Variants in FGD2 observed in about 807,000 individuals in gnomAD.
FGD2 encodes the protein FYVE, RhoGEF and PH domain-containing protein 2.
In FGD2, 52 loss-of-function variants were observed where a neutral mutation model predicts 75.9. The ratio of observed to expected loss-of-function variants is 0.69; its 90% confidence interval spans 0.55 to 0.86. The LOEUF (loss-of-function observed/expected upper bound fraction) is 0.86. Ranked by LOEUF, FGD2 falls within the 40% of genes least tolerant of loss-of-function variation. The pLI, the probability that FGD2 is intolerant of heterozygous loss-of-function variation, is 0.00. For missense variants in FGD2, 790 were observed against 872.0 expected (o/e 0.91, Z 1.18); for synonymous variants, 347 against 348.6 (o/e 1.00, Z 0.05).
chr6:37,005,834 A>G lies in FGD2; in HGVS notation c.17A>G (p.Glu6Gly), dbSNP rs1764723008. 1 of 1,613,868 alleles carries G rather than the reference A, an allele frequency of 6.2e-7. No individual in the cohort carries two copies. Among genetic ancestry groups the G allele is most frequent in the South Asian group, 1.1e-5 (1 of 90,922 alleles). MKGAS[E>G]EKLASVSNLV... is the part of the protein sequence containing the mutation. ...ACCGGCAGGATGAAGGGGGCAAGTG[A>G]GGAGAAGCTGGCATCTGTGTCCAAC... Residue 6 changes from glutamate to glycine, a missense_variant, in exon 1 of 16, where the codon GAG becomes GGG. Physicochemically the swap from Glu to Gly is moderately conservative, Grantham distance 98. Transcript: ENST00000274963.
chr6:37,027,860 T>C, intron 15 of FGD2, 88 bp from the exon 16 acceptor site: 1 of 1,425,956 alleles, frequency 7.0e-7, no homozygotes, highest in Non-Finnish European at 9.7e-7. Context: ...GTGTGAGCTG[T>C]GCGTGCGTGG....
intron 3 of FGD2, 90 bp downstream of exon 3, chr6:37,011,140 C>T: frequency 2.3e-6 from 3 of 1,279,536 alleles, no homozygotes; most frequent in Middle Eastern, 2.1e-4. Context: ...CTCACCAGAG[C>T]TGAGTCAGGA....
At chr6:37,017,639 G>C (rs1583310083) in intron 9 of FGD2, among the ~76,000 whole-genome samples, 1 of 152,112 alleles carries the variant, frequency 6.6e-6, no homozygotes, top group African/African-American at 2.4e-5. Flanking sequence ...CTGAGGGCTG[G>C]GACTGGAAGA....
At chr6:37,023,744 G>C (rs751924812) in intron 13 of FGD2, 2 of 152,210 alleles carry the variant, frequency 1.3e-5, no homozygotes, top group African/African-American at 2.4e-5. Flanking sequence ...CCCGAAGCCA[G>C]GTAGAAAGGA....
intron 9 of FGD2, among the ~76,000 whole-genome samples, chr6:37,018,697 C>A (rs1264279946): frequency 2.0e-5 from 3 of 152,220 alleles, no homozygotes; most frequent in East Asian, 1.9e-4. Flanking sequence ...ATGTCTTCTG[C>A]AGCCAACTGC....
At chr6:37,017,982 T>C (rs963684238) in intron 9 of FGD2, among the ~76,000 whole-genome samples, 1 of 152,134 alleles carries the variant, frequency 6.6e-6, no homozygotes, top group Non-Finnish European at 1.5e-5. Flanking sequence ...TAGCTTTCCA[T>C]CCTGAAGGGG....
In FGD2 at chr6:37,025,924, C is replaced by T. The variant is rs759496445; in HGVS notation, c.1591C>T (p.Arg531Trp). The T allele has an allele frequency of 6.8e-6, 11 of 1,613,974 alleles. No individual in the cohort carries two copies. The highest frequency in any genetic ancestry group is 1.3e-5 in the African/African-American group (1 of 74,934). The change falls in exon 14 of 16, where the codon CGG becomes TGG. Residue 531 changes from arginine to tryptophan, a missense_variant. Transcript: ENST00000274963. The part of the protein sequence containing the change: ...VLPEAKEDKR[R>W]GILEKGSSAT... The stretch of plus-strand genomic sequence containing the variant: ...GCCTGAGGCCAAGGAGGACAAGAGG[C>T]GGGGCATCCTGGAGGTGAGGGCCAC...
chr6:37,014,739 C>A, intron 7 of FGD2, 35 bp downstream of exon 7: 1 of 1,613,478 alleles, frequency 6.2e-7, no homozygotes, highest in African/African-American at 1.3e-5. Flanking sequence ...GCCCTGTCCC[C>A]CTCCCTGCAG....
At chr6:37,016,479 G>A (rs1418430591) in intron 9 of FGD2, among the ~76,000 whole-genome samples, 4 of 151,796 alleles carry the variant, frequency 2.6e-5, no homozygotes, top group Non-Finnish European at 5.9e-5. Flanking sequence ...CCCATGGGGG[G>A]ACCACAAGAT....
chr6:37,025,634 G>T, intron 13 of FGD2, 158 bp from the exon 14 acceptor site: 4 of 730,530 alleles, frequency 5.5e-6, no homozygotes, highest in Non-Finnish European at 6.8e-6. Flanking sequence ...TCACCAGCAT[G>T]GGGGAGCATC....
Sources: allele counts gnomAD v4.1 joint callset (sites outside exome capture counted in the v4.1 genomes callset), GRCh38; gene constraint gnomAD v4.1.1; transcripts MANE v1.5; gene names NCBI Gene and HGNC (gene_info 2026-07-23, HGNC 2026-07-21).